Variants in EML5 observed in about 807,000 individuals in gnomAD.
The protein encoded by EML5 is echinoderm microtubule-associated protein-like 5.
In EML5, 120 loss-of-function variants were observed where a neutral mutation model predicts 250.0. The ratio of observed to expected loss-of-function variants is 0.48; its 90% CI spans 0.41 to 0.56. The LOEUF (loss-of-function observed/expected upper bound fraction) is 0.56, where lower values mean the gene tolerates loss of function less well. EML5 is among the 20% of genes least tolerant of loss of function. EML5 has a pLI of 0.00. For synonymous variants in EML5, 771 were observed against 806.5 expected (o/e 0.96, Z 0.75); for missense variants, 2,006 against 2,437.6 (o/e 0.82, Z 3.73).
chr14:88,696,829 G>C lies in EML5; in HGVS notation c.2344+18C>G. 1.9e-6 allele frequency: 3 copies of C among 1,564,372 alleles called. No individual in the cohort carries two copies. Among genetic ancestry groups the C allele is most frequent in the Non-Finnish European group, 2.6e-6 (3 of 1,149,964 alleles). On this transcript the variant is annotated intron_variant, in intron 15 of 43. Transcript: ENST00000554922. ...TCTGCATTTTGTTAATTCTTACTGA[G>C]ACAGCAAACAGCCTTACCTGAGAAA...
intron 1 of EML5, among the ~76,000 whole-genome samples, chr14:88,768,406 A>C (rs2094347355): frequency 6.7e-6 from 1 of 148,608 alleles, no homozygotes; most frequent in South Asian, 2.2e-4. Context: ...ATATTTCCGT[A>C]ATGTGATTGT....
intron 25 of EML5, 99 bp from the exon 26 acceptor site, chr14:88,658,487 AT>A: frequency 4.2e-6 from 4 of 953,524 alleles, no homozygotes; most frequent in Non-Finnish European, 3.0e-6. Context: ...AAAATTAATC[AT>A]TTCAAGTGCA....
chr14:88,674,864 A>G (rs1243015650), intron 21 of EML5, among the ~76,000 whole-genome samples: 1 of 152,214 alleles, frequency 6.6e-6, no homozygotes, highest in Non-Finnish European at 1.5e-5. Flanking sequence ...CAAATAGGGG[A>G]AACTGGCCAA....
intron 23 of EML5, 49 bp downstream of exon 23, chr14:88,664,444 C>G (rs1196571737): frequency 1.3e-6 from 2 of 1,513,636 alleles, no homozygotes. Context: ...TATAGCTATA[C>G]TAAATCAAAT....
intron 1 of EML5, among the ~76,000 whole-genome samples, chr14:88,768,433 C>CA (rs1318735418): frequency 6.7e-6 from 1 of 150,274 alleles, no homozygotes; most frequent in Non-Finnish European, 1.5e-5. Context: ...TTTTTTGAGA[C>CA]AGAGTTTCGC....
Position 88,702,479 on chromosome 14 carries a change from A to G in EML5, c.2205T>C (p.Ile735=). The part of the protein sequence containing the change: ...GHDDDILCLT[I]HPLKDYVATG... ...TTGCCACGTAGTCTTTCAAAGGATG[A>G]ATAGTTAGGCAGAGAATATCATCAT... is the stretch of plus-strand genomic sequence containing the variant. Residue 735 remains isoleucine (I), a synonymous_variant, in exon 14 of 44, where the codon ATT becomes ATC. Transcript: ENST00000554922. 6.2e-7 allele frequency: 1 copy of G among 1,613,206 alleles called. No homozygotes were observed. Among genetic ancestry groups the G allele is most frequent in the Non-Finnish European group, 8.5e-7 (1 of 1,179,524 alleles).
chr14:88,689,574 C>G (rs1322031413), intron 17 of EML5, among the ~76,000 whole-genome samples: 1 of 151,946 alleles, frequency 6.6e-6, no homozygotes, highest in Non-Finnish European at 1.5e-5. Flanking sequence ...TTCCTTCATT[C>G]AAGAAATATA....
chr14:88,751,111 G>A (rs560853128), intron 2 of EML5, among the ~76,000 whole-genome samples: 44 of 152,242 alleles, frequency 2.9e-4, no homozygotes, highest in African/African-American at 1.0e-3. Flanking sequence ...TTCTCTGTAG[G>A]CTTGATAAAC....
In EML5 at chr14:88,706,340, C is replaced by T; in HGVS notation, c.1744G>A (p.Gly582Ser). ...SHDYQWVISI[G>S]GADHSVFQWK... Reference sequence around the variant, plus strand: ...TGAAAGACAGAGTGATCTGCTCCACCAATAGAAATAACCCACTGATAATCA... The same window carrying T: ...TGAAAGACAGAGTGATCTGCTCCACTAATAGAAATAACCCACTGATAATCA... The change falls in exon 11 of 44, where the codon GGT becomes AGT. Residue 582 changes from glycine to serine, a missense_variant. Coordinates refer to ENST00000554922, the MANE Select transcript of EML5 (RefSeq NM_183387.3). 5 of 1,609,862 alleles carry T rather than the reference C, an allele frequency of 3.1e-6. No homozygotes were observed. Among genetic ancestry groups the T allele is most frequent in the Non-Finnish European group, 4.2e-6 (5 of 1,178,102 alleles).
At chr14:88,711,574 A>G (rs890877430) in intron 10 of EML5, among the ~76,000 whole-genome samples, 2 of 151,872 alleles carry the variant, frequency 1.3e-5, no homozygotes, top group African/African-American at 4.8e-5. Context: ...AACTGCCCCC[A>G]TAATCCAATC....
intron 29 of EML5, among the ~76,000 whole-genome samples, chr14:88,645,862 T>C (rs1441578277): frequency 6.6e-6 from 1 of 152,218 alleles, no homozygotes; most frequent in African/African-American, 2.4e-5. Context: ...GCCCCTCTTC[T>C]CTGTTCAGGA....
intron 20 of EML5, among the ~76,000 whole-genome samples, chr14:88,683,506 A>G (rs899626300): frequency 6.6e-6 from 1 of 152,252 alleles, no homozygotes; most frequent in Non-Finnish European, 1.5e-5. Flanking sequence ...TATTACCCTG[A>G]TATCAAAGCC....
chr14:88,684,612 TAC>T (rs2141203971), intron 20 of EML5, among the ~76,000 whole-genome samples: 1 of 152,014 alleles, frequency 6.6e-6, no homozygotes, highest in African/African-American at 2.4e-5. Context: ...TCAACAAATA[TAC>T]CTTATATAAA....
chr14:88,667,772 G>A (rs935280785), intron 21 of EML5, among the ~76,000 whole-genome samples: 1 of 152,184 alleles, frequency 6.6e-6, no homozygotes, highest in Non-Finnish European at 1.5e-5. Flanking sequence ...AGCCCCAACT[G>A]CCTCTTTCAG....
chr14:88,622,024 T>C, intron 37 of EML5: 1 of 322,026 alleles, frequency 3.1e-6, no homozygotes, highest in Non-Finnish European at 6.5e-6. Context: ...TCCTTCCCTA[T>C]CCCCCTCCCC....
chr14:88,760,885 A>T (rs543080705), intron 1 of EML5, among the ~76,000 whole-genome samples: 1 of 152,154 alleles, frequency 6.6e-6, no homozygotes, highest in South Asian at 2.1e-4. Context: ...GATTTTGTAA[A>T]ATTTATATAG....
rs2094617509 is a variant in EML5, at chr14:88,792,253, C to T, written c.197+54G>A. 1.3e-6 allele frequency: 2 copies of T among 1,527,550 alleles called. No homozygotes were observed. The highest frequency in any genetic ancestry group is 1.8e-6 in the Non-Finnish European group (2 of 1,138,692). 94.6% of individuals were successfully genotyped at this position (1,527,550 alleles called of 1,614,324 possible). ...CGGCGTCCAGAGGAACCCGCGGGTGCAAACTCCGGGAGCGGCTTGCAGGGT... is the reference window on the plus strand; with the variant it reads ...CGGCGTCCAGAGGAACCCGCGGGTGTAAACTCCGGGAGCGGCTTGCAGGGT... On this transcript the variant is annotated intron_variant, in intron 1 of 43. Coordinates refer to ENST00000554922, the MANE Select transcript of EML5 (RefSeq NM_183387.3). This position sits in a 1 kb window ranked among gnomAD's most constrained non-coding sequence, Gnocchi z 6.9.
chr14:88,755,688 G>A (rs2094149322), intron 1 of EML5, among the ~76,000 whole-genome samples: 1 of 152,090 alleles, frequency 6.6e-6, no homozygotes, highest in South Asian at 2.1e-4. Flanking sequence ...GGGAAAATTA[G>A]GAGGATATTA....
rs550687632 is a variant in EML5, at chr14:88,652,519, C to T, written c.4005-2593G>A. 1.2e-4 allele frequency among the ~76,000 whole-genome samples: 19 copies of T among 152,248 alleles called. 1 individual carries two copies. Among genetic ancestry groups the T allele is most frequent in the Non-Finnish European group, 2.5e-4 (17 of 68,004 alleles). On this transcript the variant is annotated intron_variant, in intron 27 of 43. Coordinates refer to ENST00000554922, the MANE Select transcript of EML5 (RefSeq NM_183387.3). ...TAGTCATTTCTATCTCTCTGAGTTC[C>T]AAAATTCTTCAGCACTATCCTAAAT...
Sources: gnomAD v4.1 joint callset for allele counts (sites outside exome capture counted in the v4.1 genomes callset) on GRCh38, gnomAD v4.1.1 for gene constraint, Gnocchi (gnomAD v3.1) non-coding constraint, MANE v1.5 for transcripts, NCBI Gene and HGNC (gene_info 2026-07-23, HGNC 2026-07-21) for gene names.